The following WWC1 variants were observed in gnomAD, a reference collection of about 807,000 sequenced individuals.
The protein encoded by WWC1 is WW and C2 domain containing 1.
WWC1 carries 55 observed loss-of-function variants against 138.4 expected under a neutral mutation model. The ratio of observed to expected loss-of-function variants is 0.40; its 90% CI spans 0.32 to 0.50. WWC1 has a LOEUF of 0.50. Ranked by LOEUF, WWC1 falls within the 20% of genes least tolerant of loss-of-function variation. The pLI, the probability that WWC1 is intolerant of heterozygous loss-of-function variation, is 0.72. For synonymous variants in WWC1, 524 were observed against 564.9 expected (o/e 0.93, Z 1.03); for missense variants, 1,226 against 1,420.4 (o/e 0.86, Z 2.20).
rs576075685 is a variant in WWC1 at position 168,464,756 on chromosome 5, G to A, written c.2944G>A (p.Glu982Lys). ...RPSSVKSLRS[E>K]RLIRTSLDLE... ...TTCCTCGGTCAAGTCGCTGCGCTCC[G>A]AGCGTCTGATCCGTACCTCGCTGGA... is the stretch of plus-strand genomic sequence containing the variant. The change falls in exon 21 of 23, where the codon GAG becomes AAG. Residue 982 changes from glutamate (E) to lysine (K), a missense_variant. Physicochemically the swap from Glu to Lys is moderately conservative, Grantham distance 56 (BLOSUM62 1). Around this residue, in one of 3 missense-constraint regions of WWC1, gnomAD observed 206 missense variants for 247.4 expected, o/e 0.83. Transcript: ENST00000265293. 65 of 1,614,134 alleles carry A rather than the reference G, an allele frequency of 4.0e-5. No homozygotes were observed. In the Admixed American group the frequency reaches 6.2e-4, roughly 15 times the overall value.
At chr5:168,465,003 C>T (rs373468070) in intron 21 of WWC1, 41 bp downstream of exon 21, 22 of 1,601,920 alleles carry the variant, frequency 1.4e-5, no homozygotes, top group Non-Finnish European at 1.9e-5. Context: ...TGCGCTCTGC[C>T]CCAGAGAGTC....
chr5:168,460,199 G>A (rs762092485), intron 19 of WWC1, among the ~76,000 whole-genome samples: 13 of 152,202 alleles, frequency 8.5e-5, no homozygotes, highest in Non-Finnish European at 1.8e-4. Context: ...ATAGACACCA[G>A]GGAAGAGTTG....
intron 1 of WWC1, among the ~76,000 whole-genome samples, chr5:168,343,841 C>T (rs1581981294): frequency 6.7e-6 from 1 of 149,470 alleles, no homozygotes; most frequent in Non-Finnish European, 1.5e-5. Context: ...AAAAGTTGAA[C>T]TTTTGCTTCT....
intron 1 of WWC1, among the ~76,000 whole-genome samples, chr5:168,305,417 TC>T (rs917017689): frequency 1.3e-5 from 2 of 152,086 alleles, no homozygotes; most frequent in East Asian, 3.9e-4. Context: ...CTTCCCCACC[TC>T]CCCAGCCCAG....
At chr5:168,381,890 T>C (rs918923687) in intron 2 of WWC1, among the ~76,000 whole-genome samples, 108 of 151,076 alleles carry the variant, frequency 7.1e-4, no homozygotes, top group African/African-American at 2.5e-3. Flanking sequence ...GAGGCACTCA[T>C]GTATGCTGTT....
intron 16 of WWC1, 34 bp from the exon 17 acceptor site, chr5:168,444,460 G>A: frequency 1.3e-6 from 2 of 1,548,030 alleles, no homozygotes; most frequent in Non-Finnish European, 1.7e-6. Flanking sequence ...CACCTACATT[G>A]TACCCAATGA....
intron 1 of WWC1, among the ~76,000 whole-genome samples, chr5:168,351,169 T>C (rs1260926528): frequency 1.1e-4 from 17 of 150,048 alleles, no homozygotes; most frequent in African/African-American, 4.2e-4. Context: ...AAATCCCAGC[T>C]AGATAGCCCA....
chr5:168,337,176 T>C (rs79059955), intron 1 of WWC1, among the ~76,000 whole-genome samples: 2,921 of 152,238 alleles, frequency 0.019, 50 homozygotes, highest in African/African-American at 0.044. Flanking sequence ...CCTGCAATCA[T>C]TGGGGACCTG....
intron 1 of WWC1, among the ~76,000 whole-genome samples, chr5:168,341,455 G>A (rs142803311): frequency 6.5e-4 from 99 of 152,204 alleles, no homozygotes; most frequent in Non-Finnish European, 9.9e-4. Context: ...TAGGGACACT[G>A]CTAACTGAGA....
chr5:168,396,994 TA>T (rs573757123), intron 3 of WWC1, among the ~76,000 whole-genome samples: 18 of 152,124 alleles, frequency 1.2e-4, no homozygotes, highest in South Asian at 8.3e-4. Context: ...TTATTGTTTT[TA>T]AAAAAAGAAA....
At chr5:168,450,934 CCAGA>C (rs1755747107) in intron 17 of WWC1, among the ~76,000 whole-genome samples, 1 of 152,058 alleles carries the variant, frequency 6.6e-6, no homozygotes, top group Non-Finnish European at 1.5e-5. Flanking sequence ...AGTCCACATA[CCAGA>C]CAAAGGATTC....
At chr5:168,358,949 C>T (rs530642901) in intron 1 of WWC1, among the ~76,000 whole-genome samples, 5 of 151,944 alleles carry the variant, frequency 3.3e-5, no homozygotes, top group Non-Finnish European at 7.4e-5. Flanking sequence ...TGCTTTCTGC[C>T]CCTGTAGTTA....
intron 1 of WWC1, among the ~76,000 whole-genome samples, chr5:168,345,984 C>T (rs762715953): frequency 6.6e-6 from 1 of 151,886 alleles, no homozygotes; most frequent in Non-Finnish European, 1.5e-5. Flanking sequence ...TGCGAGCCTG[C>T]GGGGACCCTG....
At position 168,376,081 on chromosome 5, in the gene WWC1, G is replaced by A. The variant is rs535548973; in HGVS notation, c.229+4548G>A. ...CTTTTTTTTTTTTCTTCTAGACAGAGTCTTGCTCTGTCCCCAGGCTGTAGT... is the reference window on the plus strand; with the variant it reads ...CTTTTTTTTTTTTCTTCTAGACAGAATCTTGCTCTGTCCCCAGGCTGTAGT... On this transcript the variant is annotated intron_variant, in intron 2 of 22. Transcript: ENST00000265293. 5.3e-5 allele frequency among the ~76,000 whole-genome samples: 8 copies of A among 150,432 alleles called. No homozygotes were observed. The East Asian group carries it at 1.2e-3, about 22-fold the overall frequency.
chr5:168,354,136 T>A (rs60895571), intron 1 of WWC1, among the ~76,000 whole-genome samples: 2,730 of 152,042 alleles, frequency 0.018, 86 homozygotes, highest in African/African-American at 0.062. Flanking sequence ...CTGCAATCTC[T>A]GCCTCCTGGA....
chr5:168,409,287 T>A (rs1399632227), intron 7 of WWC1, among the ~76,000 whole-genome samples: 2 of 152,176 alleles, frequency 1.3e-5, no homozygotes, highest in African/African-American at 4.8e-5. Flanking sequence ...ATGCTGTTCC[T>A]ATCTAAGTTC....
chr5:168,357,731 GA>G (rs1470915767), intron 1 of WWC1, among the ~76,000 whole-genome samples: 5 of 152,114 alleles, frequency 3.3e-5, no homozygotes, highest in African/African-American at 1.2e-4. Flanking sequence ...CTTCAGCTCA[GA>G]ACACTTCGGT....
chr5:168,338,340 T>A (rs1453453946), intron 1 of WWC1, among the ~76,000 whole-genome samples: 1 of 150,470 alleles, frequency 6.6e-6, no homozygotes, highest in Non-Finnish European at 1.5e-5. Flanking sequence ...AATAAATAAG[T>A]AAATATAAAT....
Position 168,385,202 on chromosome 5 carries a change from C to A in WWC1, c.230-9C>A. The A allele has an allele frequency of 1.2e-6, 2 of 1,613,982 alleles. No individual in the cohort carries two copies. The highest frequency in any genetic ancestry group is 2.2e-5 in the South Asian group (2 of 91,034). On this transcript the variant is annotated splice_polypyrimidine_tract_variant and intron_variant, in intron 2 of 22. Coordinates refer to ENST00000265293, the MANE Select transcript of WWC1 (RefSeq NM_015238.3). ...GATGCTGACCTAGAATCTCTGGGGT[C>A]TGTTCCAGAAACCACTCAGATTGAG...
Sources: allele counts gnomAD v4.1 joint callset (sites outside exome capture counted in the v4.1 genomes callset), GRCh38; gene constraint gnomAD v4.1.1; regional missense constraint gnomAD v4.1.1; transcripts MANE v1.5; gene names NCBI Gene and HGNC (gene_info 2026-07-23, HGNC 2026-07-21).